Variants in GPATCH2 observed in about 807,000 individuals in gnomAD.
The protein encoded by GPATCH2 is G patch domain-containing protein 2.
A neutral mutation model predicts 58.0 loss-of-function variants in GPATCH2; 51 were observed. The ratio of observed to expected loss-of-function variants is 0.88; its 90% CI spans 0.70 to 1.11. The LOEUF is 1.11. Ranked by LOEUF, GPATCH2 falls within the 50% of genes most tolerant of loss-of-function variation. GPATCH2 has a pLI of 0.00. For synonymous variants in GPATCH2, 222 were observed against 218.5 expected, an observed-to-expected ratio of 1.02 and a Z score of -0.14; for missense variants, 625 against 652.2, an observed-to-expected ratio of 0.96 and a Z score of 0.45.
At chr1:217,445,181 A>G (rs1264052407) in intron 9 of GPATCH2, among the ~76,000 whole-genome samples, 1 of 152,184 alleles carries the variant, frequency 6.6e-6, no homozygotes, top group Non-Finnish European at 1.5e-5. Context: ...TAAAATGTAT[A>G]GAAAAAAGGC....
At chr1:217,628,114 G>A (rs762484035) in intron 1 of GPATCH2, among the ~76,000 whole-genome samples, 11 of 152,022 alleles carry the variant, frequency 7.2e-5, no homozygotes, top group Non-Finnish European at 1.3e-4. Context: ...TGAGAATGAA[G>A]ACAACTGAAT....
rs1487965972 is a variant in GPATCH2 at position 217,581,031 on chromosome 1, A to AG, written c.1098+29289_1098+29290insC. ...ACTCCGTCTCAAAAAAAAAAAAAAA[A>AG]AAAAAGAAAGGCAGAATCTCAAGTT... On this transcript the variant is annotated intron_variant, in intron 5 of 9. Transcript: ENST00000366935. Among the ~76,000 whole-genome samples the AG allele has an allele frequency of 2.3e-4, 9 of 38,918 alleles. 3 individuals carry two copies. Among genetic ancestry groups the AG allele is most frequent in the African/African-American group, 4.5e-4 (6 of 13,280 alleles). 25.5% of individuals were successfully genotyped at this position (38,918 alleles called of 152,430 possible).
Position 217,431,206 on chromosome 1 carries a change from C to T in GPATCH2, c.1526G>A (p.Gly509Glu). The part of the protein sequence containing the change: ...AMQRPKGLGL[G>E]FPLPKSTSAT... ...GGAAGTACTTTTTGGTAGAGGAAAT[C>T]CAAGTCCTAATCCCTTTGGCCTCTG... The change falls in exon 10 of 10, where the codon GGA (glycine) becomes GAA (glutamate). Residue 509 changes from glycine to glutamate, a missense_variant. Gly to Glu is a moderately conservative substitution (Grantham distance 98). Coordinates refer to ENST00000366935, the MANE Select transcript of GPATCH2 (RefSeq NM_018040.5). 1 of 1,611,180 alleles carries T rather than the reference C, an allele frequency of 6.2e-7. No individual in the cohort carries two copies. Among genetic ancestry groups the T allele is most frequent in the Non-Finnish European group, 8.5e-7 (1 of 1,177,300 alleles).
chr1:217,433,035 A>T (rs1658619680), intron 9 of GPATCH2, among the ~76,000 whole-genome samples: 1 of 151,258 alleles, frequency 6.6e-6, no homozygotes, highest in Non-Finnish European at 1.5e-5. Flanking sequence ...TACTTCTCTC[A>T]AAGTTTCATG....
At chr1:217,498,478 GA>G (rs1156583164) in intron 6 of GPATCH2, 83 bp from the exon 7 acceptor site, 2 of 1,001,506 alleles carry the variant, frequency 2.0e-6, no homozygotes, top group African/African-American at 3.2e-5. Flanking sequence ...TGTGCTTTAA[GA>G]AATTTGTCAC....
intron 8 of GPATCH2, among the ~76,000 whole-genome samples, chr1:217,473,425 A>G (rs1660824747): frequency 6.6e-6 from 1 of 152,154 alleles, no homozygotes; most frequent in South Asian, 2.1e-4. Context: ...TTTTAAAAAA[A>G]TAACAACTGA....
At chr1:217,621,938 G>T (rs1669209718) in intron 1 of GPATCH2, among the ~76,000 whole-genome samples, 1 of 152,172 alleles carries the variant, frequency 6.6e-6, no homozygotes, top group South Asian at 2.1e-4. Flanking sequence ...ACCCTATGAG[G>T]TGGGAGATGA....
chr1:217,502,084 T>C (rs540267663), intron 6 of GPATCH2, among the ~76,000 whole-genome samples: 2 of 152,094 alleles, frequency 1.3e-5, no homozygotes, highest in Admixed American at 6.6e-5. Flanking sequence ...TTTATGTGTC[T>C]ATCCCTCTAC....
chr1:217,548,685 T>A (rs1245157233), intron 5 of GPATCH2, among the ~76,000 whole-genome samples: 1 of 152,056 alleles, frequency 6.6e-6, no homozygotes, highest in Non-Finnish European at 1.5e-5. Context: ...CAGTGGGAGG[T>A]AACTGAATCA....
intron 7 of GPATCH2, chr1:217,495,036 G>C (rs1230732393): frequency 1.8e-6 from 1 of 551,694 alleles, no homozygotes; most frequent in Non-Finnish European, 2.3e-6. Context: ...CAGATTGCTG[G>C]ACTTAGGCCA....
intron 9 of GPATCH2, among the ~76,000 whole-genome samples, chr1:217,434,737 C>T (rs3790727): frequency 0.3 from 46,117 of 151,932 alleles, 7,260 homozygotes; most frequent in Middle Eastern, 0.44. Context: ...CTAAAGTGAA[C>T]AGCAAATGAT....
rs1658497111 is a variant in GPATCH2, at chr1:217,430,800, TTGTC to T, written c.*341_*344del. 7.8e-6 allele frequency: 2 copies of T among 255,154 alleles called. No homozygotes were observed. Among genetic ancestry groups the T allele is most frequent in the Admixed American group, 5.0e-5 (1 of 19,824 alleles). 15.8% of individuals were successfully genotyped at this position (255,154 alleles called of 1,614,324 possible). On this transcript the variant is annotated 3_prime_UTR_variant, in exon 10 of 10. Transcript: ENST00000366935. ...TAGAAACTGGTGGGTGTGCTCACGT[TTGTC>T]TGGGCATTGCAGCACTGCACACATA... is the stretch of plus-strand genomic sequence containing the variant.
intron 1 of GPATCH2, among the ~76,000 whole-genome samples, chr1:217,622,078 A>T (rs1669216089): frequency 6.6e-6 from 1 of 152,200 alleles, no homozygotes; most frequent in Non-Finnish European, 1.5e-5. Context: ...CAGCTACACG[A>T]TCCCAGTGGC....
chr1:217,569,676 C>A (rs559024652), intron 5 of GPATCH2, among the ~76,000 whole-genome samples: 1 of 151,954 alleles, frequency 6.6e-6, no homozygotes, highest in Non-Finnish European at 1.5e-5. Context: ...GACTGGGCGA[C>A]GAGAGCAAAA....
At chr1:217,482,630 T>A (rs962912889) in intron 8 of GPATCH2, among the ~76,000 whole-genome samples, 3 of 152,018 alleles carry the variant, frequency 2.0e-5, no homozygotes, top group African/African-American at 7.3e-5. Context: ...TCACATATAG[T>A]CTTGTAGGCC....
At chr1:217,549,389 A>T (rs1367101510) in intron 5 of GPATCH2, among the ~76,000 whole-genome samples, 1 of 152,202 alleles carries the variant, frequency 6.6e-6, no homozygotes, top group Non-Finnish European at 1.5e-5. Context: ...TATTTGGGAA[A>T]TGAAGATGGC....
intron 5 of GPATCH2, among the ~76,000 whole-genome samples, chr1:217,601,505 C>G (rs1451792553): frequency 6.6e-6 from 1 of 151,990 alleles, no homozygotes; most frequent in Admixed American, 6.6e-5. Context: ...ATTCGCAGGC[C>G]TATCCATACT....
At chr1:217,528,935 A>G (rs78869509) in intron 5 of GPATCH2, among the ~76,000 whole-genome samples, 2,515 of 152,278 alleles carry the variant, frequency 0.017, 76 homozygotes, top group African/African-American at 0.057. Flanking sequence ...TACCAGAATA[A>G]TACCCCCAAA....
chr1:217,454,505 C>T (rs1049730487), intron 8 of GPATCH2, among the ~76,000 whole-genome samples: 1 of 135,674 alleles, frequency 7.4e-6, no homozygotes, highest in African/African-American at 2.7e-5. Context: ...AGGAGAATGG[C>T]GTGAACCCGG....
Sources: gnomAD v4.1 joint callset for allele counts (sites outside exome capture counted in the v4.1 genomes callset) on GRCh38, gnomAD v4.1.1 for gene constraint, MANE v1.5 for transcripts, NCBI Gene and HGNC (gene_info 2026-07-23, HGNC 2026-07-21) for gene names.